The following DTNA variants were observed in gnomAD, a reference collection of about 807,000 sequenced individuals.
The protein encoded by DTNA is dystrobrevin alpha.
Under a neutral mutation model 100.7 loss-of-function variants are expected in DTNA, and 43 were observed. That is an observed-to-expected ratio of 0.43 (90% CI 0.33 to 0.55). DTNA has a LOEUF of 0.55. DTNA is among the 20% of genes least tolerant of loss of function. The probability of loss-of-function intolerance (pLI) is 0.04; values close to 1 mark genes in which losing one functional copy is unlikely to be tolerated. For synonymous variants in DTNA, 349 were observed against 347.9 expected, an observed-to-expected ratio of 1.00 and a Z score of -0.04; for missense variants, 798 against 953.9, an observed-to-expected ratio of 0.84 and a Z score of 2.15.
intron 1 of DTNA, among the ~76,000 whole-genome samples, chr18:34,728,576 A>C (rs141590232): frequency 6.6e-6 from 1 of 152,320 alleles, no homozygotes; most frequent in East Asian, 1.9e-4. Flanking sequence ...TCAAAAAAAA[A>C]TAAAAAGGAG....
chr18:34,517,336 T>G lies in DTNA; in HGVS notation c.-2+23822T>G, dbSNP rs531921682. On this transcript the variant is annotated intron_variant, in intron 1 of 19. Transcript: ENST00000283365. The stretch of plus-strand genomic sequence containing the variant: ...TGCAGTAAATAATACAGAGGTCCCA[T>G]GAACTTGTCACCCAATTTACCCAAT... 5.3e-5 allele frequency among the ~76,000 whole-genome samples: 8 copies of G among 152,290 alleles called. No homozygotes were observed. The South Asian group carries it at 1.7e-3, about 32-fold the overall frequency.
intron 1 of DTNA, among the ~76,000 whole-genome samples, chr18:34,551,735 T>A (rs774997993): frequency 3.9e-4 from 59 of 152,300 alleles, no homozygotes; most frequent in Non-Finnish European, 7.6e-4. Context: ...TTGGTCTAGA[T>A]CTGAAAGTCC....
At chr18:34,866,009 AG>A in intron 17 of DTNA, 1 of 1,311,078 alleles carries the variant, frequency 7.6e-7, no homozygotes, top group Non-Finnish European at 1.1e-6. Context: ...CTGCCGTCAA[AG>A]GTGTGTTGAT....
At chr18:34,675,487 A>G (rs1053236904) in intron 1 of DTNA, among the ~76,000 whole-genome samples, 5 of 152,174 alleles carry the variant, frequency 3.3e-5, no homozygotes, top group Admixed American at 6.6e-5. Context: ...TCAGATTGTG[A>G]TGATGAAATT....
chr18:34,635,557 C>A (rs2058574266), intron 1 of DTNA, among the ~76,000 whole-genome samples: 1 of 152,126 alleles, frequency 6.6e-6, no homozygotes, highest in South Asian at 2.1e-4. Flanking sequence ...ACATTAAAAT[C>A]CATTATCTGT....
In DTNA at chr18:34,586,499, G is replaced by A. The variant is rs189132093; in HGVS notation, c.-2+92985G>A. On this transcript the variant is annotated intron_variant, in intron 1 of 19. Coordinates refer to the DTNA transcript ENST00000283365. ...AGTTCCTCACCAGATGCAGCCACCCGTCTTGGACTTCCCAGCCTCCATAAC... is the reference window on the plus strand; with the variant it reads ...AGTTCCTCACCAGATGCAGCCACCCATCTTGGACTTCCCAGCCTCCATAAC... 1.6e-3 allele frequency among the ~76,000 whole-genome samples: 246 copies of A among 151,844 alleles called. 1 individual carries two copies. In the Middle Eastern group the frequency reaches 0.017, roughly 10 times the overall value.
At chr18:34,647,461 ATCACCTTTGT>A (rs2059978274) in intron 1 of DTNA, among the ~76,000 whole-genome samples, 1 of 152,232 alleles carries the variant, frequency 6.6e-6, no homozygotes, top group Admixed American at 6.5e-5. Flanking sequence ...AGTACCTCGT[ATCACCTTTGT>A]TCACAGCCCA....
At chr18:34,751,392 T>C (rs765994088) in intron 1 of DTNA, among the ~76,000 whole-genome samples, 2 of 152,200 alleles carry the variant, frequency 1.3e-5, no homozygotes, top group Non-Finnish European at 2.9e-5. Context: ...GCTGGAGTTG[T>C]TTCCTAAACC....
intron 13 of DTNA, among the ~76,000 whole-genome samples, chr18:34,844,808 G>A (rs771054010): frequency 1.1e-4 from 16 of 152,096 alleles, no homozygotes; most frequent in South Asian, 2.1e-4. Context: ...TGAACAAACC[G>A]TGAGTTCCCA....
chr18:34,560,116 G>T (rs140784827), intron 1 of DTNA, among the ~76,000 whole-genome samples: 1 of 152,054 alleles, frequency 6.6e-6, no homozygotes, highest in Non-Finnish European at 1.5e-5. Context: ...CTGGGCTGAG[G>T]TTTTAAGTGA....
chr18:34,750,755 C>T (rs1287073992), intron 1 of DTNA, among the ~76,000 whole-genome samples: 2 of 152,120 alleles, frequency 1.3e-5, no homozygotes, highest in Non-Finnish European at 2.9e-5. Context: ...AAATGTAAGG[C>T]ACCATTAGTT....
chr18:34,890,652 C>T lies in DTNA; in HGVS notation c.*2918C>T. The T allele has an allele frequency of 1.3e-6, 1 of 792,078 alleles. No homozygotes were observed. Among genetic ancestry groups the T allele is most frequent in the Admixed American group, 3.0e-5 (1 of 33,338 alleles). The allele number at this position is 792,078 out of a possible 1,614,324, so 49.1% of individuals were successfully genotyped here. A position where few individuals can be genotyped will look rare whatever the true frequency, so the allele number is the denominator to read the frequency against. ...AAGGTGAAATCTACTGCATGGGATT[C>T]AGGAAACAGTTGTGGTTGGTCAGGA... On this transcript the variant is annotated 3_prime_UTR_variant, in exon 23 of 23. Transcript: ENST00000444659.
At chr18:34,794,585 G>C (rs2094890651) in intron 4 of DTNA, among the ~76,000 whole-genome samples, 2 of 152,056 alleles carry the variant, frequency 1.3e-5, no homozygotes, top group Non-Finnish European at 2.9e-5. Flanking sequence ...GAAGTGGGAG[G>C]ATCTTTTTAA....
chr18:34,601,949 T>C (rs2051945294), intron 1 of DTNA, among the ~76,000 whole-genome samples: 1 of 152,234 alleles, frequency 6.6e-6, no homozygotes, highest in Non-Finnish European at 1.5e-5. Context: ...ACTGCTCATA[T>C]GTAGTACAGA....
At position 34,764,135 on chromosome 18, in the gene DTNA, A is replaced by G. The variant is rs371758780; in HGVS notation, c.68-1826A>G. Among the ~76,000 whole-genome samples the G allele has an allele frequency of 3.9e-5, 6 of 152,304 alleles. No homozygotes were observed. In the East Asian group the frequency reaches 7.7e-4, roughly 20 times the overall value. ...CAAATATAAAAAAGAAATTTCTATCACATATTTTTGTTCAGAAATGGCACA... is the reference window on the plus strand; with the variant it reads ...CAAATATAAAAAAGAAATTTCTATCGCATATTTTTGTTCAGAAATGGCACA... On this transcript the variant is annotated intron_variant, in intron 2 of 22. Coordinates refer to ENST00000444659, the MANE Select transcript of DTNA (RefSeq NM_001386795.1).
At chr18:34,867,898 A>G in intron 17 of DTNA, 1 of 985,432 alleles carries the variant, frequency 1.0e-6, no homozygotes, top group Non-Finnish European at 1.2e-6. Flanking sequence ...GTACCCAAGG[A>G]CCAGGGCCCA....
chr18:34,838,219 AAAT>A, intron 12 of DTNA, 48 bp downstream of exon 12: 1 of 1,595,416 alleles, frequency 6.3e-7, no homozygotes, highest in Non-Finnish European at 8.6e-7. Flanking sequence ...ACTAAACTAA[AAAT>A]GGAGATTTCT....
intron 1 of DTNA, among the ~76,000 whole-genome samples, chr18:34,534,016 C>G (rs191960219): frequency 6.6e-6 from 1 of 152,174 alleles, no homozygotes; most frequent in East Asian, 1.9e-4. Flanking sequence ...TATGTTGAAC[C>G]TCACTTTTAT....
At chr18:34,754,711 GAGTC>G (rs1169700643) in intron 1 of DTNA, among the ~76,000 whole-genome samples, 1 of 152,186 alleles carries the variant, frequency 6.6e-6, no homozygotes. Context: ...ATTGTAGGAA[GAGTC>G]AGTCAAGCTA....
Sources: allele counts gnomAD v4.1 joint callset (sites outside exome capture counted in the v4.1 genomes callset), GRCh38; gene constraint gnomAD v4.1.1; transcripts MANE v1.5; gene names NCBI Gene and HGNC (gene_info 2026-07-23, HGNC 2026-07-21).